UBE2D4: variants seen among roughly 807,000 people sequenced by gnomAD.
UBE2D4 encodes the protein ubiquitin-conjugating enzyme E2 D4.
UBE2D4 carries 17 observed loss-of-function variants against 23.0 expected under a neutral mutation model. That is an observed-to-expected ratio of 0.74 (90% CI 0.51 to 1.11). The LOEUF is 1.11. UBE2D4 is among the 50% of genes least tolerant of loss of function. The pLI, the probability that UBE2D4 is intolerant of heterozygous loss-of-function variation, is 0.00. For synonymous variants in UBE2D4, 61 were observed against 69.4 expected (o/e 0.88, Z 0.60); for missense variants, 139 against 181.8 (o/e 0.76, Z 1.35).
chr7:43,931,009 G>T (rs918135813), intron 1 of UBE2D4, among the ~76,000 whole-genome samples: 1 of 151,752 alleles, frequency 6.6e-6, no homozygotes, highest in African/African-American at 2.4e-5. Flanking sequence ...CTGTAATCCT[G>T]GCTACTTGGA....
At chr7:43,941,249 C>T (rs1467937166) in intron 2 of UBE2D4, 1 of 152,222 alleles carries the variant, frequency 6.6e-6, no homozygotes, top group Admixed American at 6.5e-5. Flanking sequence ...CAGCAACCCA[C>T]TCCTGTGGGT....
chr7:43,929,744 T>C (rs966656040), intron 1 of UBE2D4, among the ~76,000 whole-genome samples: 3 of 152,238 alleles, frequency 2.0e-5, no homozygotes. Flanking sequence ...AGGAAATTCT[T>C]AATAATTATC....
chr7:43,948,701 C>A lies in UBE2D4; in HGVS notation c.268C>A (p.Arg90=), dbSNP rs773882071. Residue 90 remains arginine, a synonymous_variant, in exon 5 of 7, where the codon CGG becomes AGG. Transcript: ENST00000222402. The part of the protein sequence containing the change: ...SNGSICLDIL[R]SQWSPALTVS... ...TGGCAGCATCTGCCTTGATATCCTG[C>A]GGTCTCAGTGGTCTCCAGCGTTGAC... is the stretch of plus-strand genomic sequence containing the variant. 3.1e-6 allele frequency: 5 copies of A among 1,613,728 alleles called. No individual in the cohort carries two copies. The South Asian group carries it at 3.3e-5, about 11-fold the overall frequency.
chr7:43,953,516 G>C lies in UBE2D4; in HGVS notation c.*821G>C, dbSNP rs1425882475. The C allele has an allele frequency of 8.8e-6, 2 of 226,940 alleles. No individual in the cohort carries two copies. The allele number at this position is 226,940 out of a possible 1,614,324, so 14.1% of individuals were successfully genotyped here. ...CATTCACAGACTAGAACACAAGGAGGGAGAGAGACTCTTAAACGTAAATAA... is the reference window on the plus strand; with the variant it reads ...CATTCACAGACTAGAACACAAGGAGCGAGAGAGACTCTTAAACGTAAATAA... On this transcript the variant is annotated 3_prime_UTR_variant, in exon 7 of 7. Transcript: ENST00000222402.
chr7:43,933,143 CA>C (rs1360067103), intron 1 of UBE2D4, among the ~76,000 whole-genome samples: 1 of 148,672 alleles, frequency 6.7e-6, no homozygotes, highest in East Asian at 2.0e-4. Flanking sequence ...CATATACGTA[CA>C]TATATATGTG....
At chr7:43,951,100 G>A (rs888055115) in intron 6 of UBE2D4, among the ~76,000 whole-genome samples, 5 of 152,372 alleles carry the variant, frequency 3.3e-5, no homozygotes, top group East Asian at 3.8e-4. Context: ...TGGCTATACC[G>A]AAGGTGAGGC....
chr7:43,935,384 TATTA>T (rs2095956204), intron 1 of UBE2D4, among the ~76,000 whole-genome samples: 1 of 152,228 alleles, frequency 6.6e-6, no homozygotes, highest in Non-Finnish European at 1.5e-5. Flanking sequence ...ATTTTCTTAT[TATTA>T]ATTCAACTTT....
chr7:43,949,135 C>T (rs1172812836), intron 5 of UBE2D4: 2 of 281,044 alleles, frequency 7.1e-6, no homozygotes, highest in African/African-American at 4.3e-5. Context: ...CAGGGCATGC[C>T]TCCGGGGGCC....
Position 43,953,021 on chromosome 7 carries a change from C to T in UBE2D4, c.*326C>T, listed in dbSNP as rs193280664. 63 of 409,914 alleles carry T rather than the reference C, an allele frequency of 1.5e-4. No individual in the cohort carries two copies. The highest frequency in any genetic ancestry group is 8.7e-5 in the Non-Finnish European group (18 of 207,524). The allele number at this position is 409,914 out of a possible 1,614,324, so 25.4% of individuals were successfully genotyped here. A position where few individuals can be genotyped will look rare whatever the true frequency, so the allele number is the denominator to read the frequency against. ...CCAGGCCCTGCACGTCTCTCCTACC[C>T]GGCCTCAAATGGTGCTGCTGCCCAT... On this transcript the variant is annotated 3_prime_UTR_variant, in exon 7 of 7. Transcript: ENST00000222402.
rs1480793495 is a variant in UBE2D4, at chr7:43,944,773, G to A, written c.198+1742G>A. 1 of 152,144 alleles carries A rather than the reference G, an allele frequency of 6.6e-6. No homozygotes were observed. Among genetic ancestry groups the A allele is most frequent in the African/African-American group, 2.4e-5 (1 of 41,412 alleles). 9.4% of individuals were successfully genotyped at this position (152,144 alleles called of 1,614,324 possible). A position where few individuals can be genotyped will look rare whatever the true frequency, so the allele number is the denominator to read the frequency against. On this transcript the variant is annotated intron_variant, in intron 4 of 6. Transcript: ENST00000222402. The surrounding 1 kb of genome is among the most constrained non-coding windows in gnomAD (Gnocchi z 4.0). ...TGAAAAATCATAAGCATGCTTCATG[G>A]TGCTGTGATCCACCCCTTCTCCCTT...
chr7:43,943,191 G>T, intron 4 of UBE2D4, 160 bp downstream of exon 4: 1 of 707,836 alleles, frequency 1.4e-6, no homozygotes. Context: ...TTTAATTACT[G>T]GACTTTGGGA....
intron 1 of UBE2D4, among the ~76,000 whole-genome samples, chr7:43,927,192 A>G (rs1187219387): frequency 6.6e-6 from 1 of 152,070 alleles, no homozygotes; most frequent in Non-Finnish European, 1.5e-5. Flanking sequence ...ATTTTAGCAT[A>G]CCTACCTTCA....
intron 1 of UBE2D4, among the ~76,000 whole-genome samples, chr7:43,929,425 TA>T (rs567859682): frequency 0.024 from 2,990 of 123,858 alleles, 44 homozygotes; most frequent in Non-Finnish European, 0.033. Context: ...GACTCTGTCT[TA>T]AAAAAAAAAA....
chr7:43,936,910 AG>A (rs2095959912), intron 1 of UBE2D4, among the ~76,000 whole-genome samples: 1 of 152,168 alleles, frequency 6.6e-6, no homozygotes, highest in Admixed American at 6.6e-5. Context: ...TCTAACCCTG[AG>A]GTGAGCACAG....
intron 6 of UBE2D4, chr7:43,952,407 A>AT (rs1220870489): frequency 1.8e-5 from 8 of 441,808 alleles, no homozygotes; most frequent in African/African-American, 4.0e-5. Context: ...TCCACAGCAG[A>AT]TAGTTATGGA....
intron 1 of UBE2D4, among the ~76,000 whole-genome samples, chr7:43,930,479 AG>A (rs1490142666): frequency 1.3e-5 from 2 of 152,266 alleles, no homozygotes; most frequent in South Asian, 4.1e-4. Flanking sequence ...TTTTTGAGAC[AG>A]GGTCTTGCTC....
intron 1 of UBE2D4, among the ~76,000 whole-genome samples, chr7:43,930,328 G>T (rs2095942615): frequency 6.6e-6 from 1 of 152,160 alleles, no homozygotes; most frequent in South Asian, 2.1e-4. Flanking sequence ...CAGGTGTGTG[G>T]TGTCTACTAG....
chr7:43,933,956 T>C (rs1166237674), intron 1 of UBE2D4, among the ~76,000 whole-genome samples: 2 of 152,236 alleles, frequency 1.3e-5, no homozygotes, highest in Non-Finnish European at 2.9e-5. Context: ...TTGCTGGTAC[T>C]ATATTTGTTG....
At position 43,952,687 on chromosome 7, in the gene UBE2D4, G is replaced by A; in HGVS notation, c.436G>A (p.Ala146Thr). 3 of 1,613,760 alleles carry A rather than the reference G, an allele frequency of 1.9e-6. No individual in the cohort carries two copies. Among genetic ancestry groups the A allele is most frequent in the Non-Finnish European group, 2.5e-6 (3 of 1,179,734 alleles). The change falls in exon 7 of 7, where the codon GCT becomes ACT. Residue 146 changes from alanine to threonine, a missense_variant. Transcript: ENST00000222402. The stretch of plus-strand genomic sequence containing the variant: ...AGCAAGAGAGTGGACACAAAAATAT[G>A]CTATGTAAGTGCCTTGGAGGTTTTA... ...RLAREWTQKY[A>T]M is the part of the protein sequence containing the mutation.
Sources: gnomAD v4.1 joint callset for allele counts (sites outside exome capture counted in the v4.1 genomes callset) on GRCh38, gnomAD v4.1.1 for gene constraint, Gnocchi (gnomAD v3.1) non-coding constraint, MANE v1.5 for transcripts, NCBI Gene and HGNC (gene_info 2026-07-23, HGNC 2026-07-21) for gene names.